Variants in RBFOX1 observed in about 807,000 individuals in gnomAD.
The protein encoded by RBFOX1 is RNA binding protein fox-1 homolog 1.
A neutral mutation model predicts 57.7 loss-of-function variants in RBFOX1; 8 were observed. That is an observed-to-expected ratio of 0.14 (90% confidence interval 0.08 to 0.25). RBFOX1 has a LOEUF of 0.25. Among genes scored for constraint, RBFOX1 ranks in the 10% least tolerant of loss-of-function variants. RBFOX1 has a pLI of 1.00. For synonymous variants in RBFOX1, 326 were observed against 222.4 expected (o/e 1.47, Z -4.15); for missense variants, 611 against 548.5 (o/e 1.11, Z -1.14).
intron 3 of RBFOX1, among the ~76,000 whole-genome samples, chr16:6,815,963 A>G (rs965431022): frequency 2.7e-4 from 41 of 152,204 alleles, no homozygotes; most frequent in African/African-American, 9.7e-4. Flanking sequence ...AAGAGTATTA[A>G]TATTAAGGTT....
chr16:7,628,758 G>A (rs1298900098), intron 10 of RBFOX1, among the ~76,000 whole-genome samples: 3 of 151,920 alleles, frequency 2.0e-5, no homozygotes, highest in African/African-American at 4.8e-5. Flanking sequence ...AATTACAGGC[G>A]CCTGCCACCA....
intron 1 of RBFOX1, among the ~76,000 whole-genome samples, chr16:5,332,575 T>C (rs1341312780): frequency 6.6e-6 from 1 of 151,952 alleles, no homozygotes; most frequent in Non-Finnish European, 1.5e-5. Context: ...AGGGGACTTT[T>C]AAAAGTCAGA....
chr16:5,615,958 T>A (rs575616880), intron 3 of RBFOX1, among the ~76,000 whole-genome samples: 2 of 152,186 alleles, frequency 1.3e-5, no homozygotes, highest in Non-Finnish European at 2.9e-5. Flanking sequence ...CCCTCTGAAG[T>A]TGGGCTGAGA....
At chr16:6,914,267 AG>A (rs2072505236) in intron 3 of RBFOX1, among the ~76,000 whole-genome samples, 1 of 152,210 alleles carries the variant, frequency 6.6e-6, no homozygotes, top group Admixed American at 6.5e-5. Flanking sequence ...CGAAAGCAAA[AG>A]AAAATAATCA....
chr16:6,326,507 G>T (rs746364491), intron 2 of RBFOX1, among the ~76,000 whole-genome samples: 1 of 152,046 alleles, frequency 6.6e-6, no homozygotes, highest in East Asian at 1.9e-4. Flanking sequence ...TCCCAGCCCA[G>T]GTTTTCTCCT....
intron 1 of RBFOX1, among the ~76,000 whole-genome samples, chr16:6,022,512 C>G (rs1211204257): frequency 6.6e-6 from 1 of 152,044 alleles, no homozygotes; most frequent in Non-Finnish European, 1.5e-5. Context: ...AAAACCCTGT[C>G]TGTACTAAAA....
chr16:7,284,916 C>G (rs949649639), intron 4 of RBFOX1, among the ~76,000 whole-genome samples: 1 of 152,030 alleles, frequency 6.6e-6, no homozygotes, highest in Non-Finnish European at 1.5e-5. Context: ...TTCTTACATC[C>G]TTGCCACACA....
rs1409773156 is a variant in RBFOX1, at chr16:5,947,510, CA to C, written c.351+80176del. On this transcript the variant is annotated intron_variant, in intron 4 of 19. Coordinates refer to the RBFOX1 transcript ENST00000641259. The surrounding 1 kb of genome is among the most constrained non-coding windows in gnomAD (Gnocchi z 7.2). ...TGCCAGTTTTTAAAATTTTTAGAGA[CA>C]GGGGTCTCTGTATGTTGCCTAGGCT... Among the ~76,000 whole-genome samples, 1 of 152,098 alleles carries C rather than the reference CA, an allele frequency of 6.6e-6. No individual in the cohort carries two copies. Among genetic ancestry groups the C allele is most frequent in the East Asian group, 1.9e-4 (1 of 5,186 alleles).
chr16:7,451,758 G>A (rs1304436130), intron 4 of RBFOX1, among the ~76,000 whole-genome samples: 1 of 134,592 alleles, frequency 7.4e-6, no homozygotes, highest in Non-Finnish European at 1.5e-5. Context: ...TTCTCATTTT[G>A]TAGAGGCAAG....
chr16:7,192,076 A>G (rs1487386515), intron 4 of RBFOX1, among the ~76,000 whole-genome samples: 1 of 152,182 alleles, frequency 6.6e-6, no homozygotes, highest in Non-Finnish European at 1.5e-5. Context: ...GAATTCTACG[A>G]GCTGTTTTCA....
intron 1 of RBFOX1, among the ~76,000 whole-genome samples, chr16:6,298,624 T>C (rs957153303): frequency 6.6e-6 from 1 of 152,164 alleles, no homozygotes; most frequent in Non-Finnish European, 1.5e-5. Context: ...ATGCATGTGA[T>C]TGACCAAAAC....
At chr16:7,164,561 T>C (rs767569207) in intron 4 of RBFOX1, among the ~76,000 whole-genome samples, 9 of 152,206 alleles carry the variant, frequency 5.9e-5, no homozygotes, top group Non-Finnish European at 1.0e-4. Context: ...ATATACTATG[T>C]GTGAAAAGCC....
At chr16:5,737,491 T>C (rs1339793579) in intron 3 of RBFOX1, among the ~76,000 whole-genome samples, 1 of 149,946 alleles carries the variant, frequency 6.7e-6, no homozygotes, top group African/African-American at 2.5e-5. Context: ...ATCTCAAAAA[T>C]AAATAAATAA....
intron 4 of RBFOX1, among the ~76,000 whole-genome samples, chr16:7,080,457 A>G (rs888868063): frequency 3.3e-5 from 5 of 152,150 alleles, no homozygotes; most frequent in African/African-American, 9.7e-5. Context: ...TGTACTGAAT[A>G]CATGTAACAG....
At chr16:6,027,404 AC>A (rs1476140083) in intron 1 of RBFOX1, among the ~76,000 whole-genome samples, 2 of 152,184 alleles carry the variant, frequency 1.3e-5, no homozygotes, top group African/African-American at 4.8e-5. Flanking sequence ...ATGATAAGGT[AC>A]TAGGAAGGAG....
Position 5,571,752 on chromosome 16 carries a change from T to C in RBFOX1, c.259-27150T>C, listed in dbSNP as rs1203980869. 2.6e-5 allele frequency among the ~76,000 whole-genome samples: 4 copies of C among 152,286 alleles called. No individual in the cohort carries two copies. The East Asian group carries it at 5.8e-4, about 22-fold the overall frequency. Reference sequence around the variant, plus strand: ...CTCGCTATCTCTTTTACTCAATAAATACGAAGGGAGCTAGAAGCTCAGGGT... The same window carrying C: ...CTCGCTATCTCTTTTACTCAATAAACACGAAGGGAGCTAGAAGCTCAGGGT... On this transcript the variant is annotated intron_variant, in intron 2 of 2. Transcript: ENST00000585867.
chr16:6,351,090 G>T (rs922837387), intron 2 of RBFOX1, among the ~76,000 whole-genome samples: 1 of 152,150 alleles, frequency 6.6e-6, no homozygotes, highest in East Asian at 1.9e-4. Flanking sequence ...CAAAACTTAC[G>T]AAGCAGGAGT....
intron 3 of RBFOX1, among the ~76,000 whole-genome samples, chr16:7,031,229 C>G (rs1597487379): frequency 6.6e-6 from 1 of 152,310 alleles, no homozygotes; most frequent in Admixed American, 6.5e-5. Context: ...GCCTGGAATC[C>G]TGACTCCTCT....
intron 4 of RBFOX1, among the ~76,000 whole-genome samples, chr16:7,450,920 G>A (rs541948495): frequency 3.9e-5 from 6 of 152,292 alleles, no homozygotes; most frequent in African/African-American, 7.2e-5. Flanking sequence ...GCGTAGGTTG[G>A]TAACTAAAAG....
Sources: gnomAD v4.1 joint callset for allele counts (sites outside exome capture counted in the v4.1 genomes callset) on GRCh38, gnomAD v4.1.1 for gene constraint, Gnocchi (gnomAD v3.1) non-coding constraint, MANE v1.5 for transcripts, NCBI Gene and HGNC (gene_info 2026-07-23, HGNC 2026-07-21) for gene names.